Variants in COPS3 observed in about 807,000 individuals in gnomAD.
The protein encoded by COPS3 is COP9 signalosome complex subunit 3.
Under a neutral mutation model 58.2 loss-of-function variants are expected in COPS3, and 10 were observed. The ratio of observed to expected loss-of-function variants is 0.17; its 90% CI spans 0.11 to 0.29. The LOEUF is 0.29. Ranked by LOEUF, COPS3 falls within the 10% of genes least tolerant of loss-of-function variation. COPS3 has a pLI of 1.00. For missense variants in COPS3, 333 were observed against 510.1 expected (o/e 0.65, Z 3.34); for synonymous variants, 187 against 181.7 (o/e 1.03, Z -0.24).
At chr17:17,277,531 C>A (rs1463667623) in intron 1 of COPS3, among the ~76,000 whole-genome samples, 2 of 152,164 alleles carry the variant, frequency 1.3e-5, no homozygotes, top group Non-Finnish European at 1.5e-5. Context: ...AATCCTCCCA[C>A]CTTAGCCTCC....
At chr17:17,264,221 G>A (rs966250698) in intron 6 of COPS3, among the ~76,000 whole-genome samples, 19 of 152,154 alleles carry the variant, frequency 1.2e-4, no homozygotes, top group Non-Finnish European at 1.6e-4. Flanking sequence ...AGGAACTTAC[G>A]AACATCTAAC....
At chr17:17,255,485 C>CAAAAAAAAAAAAAAA (rs10529108) in intron 8 of COPS3, among the ~76,000 whole-genome samples, 1 of 129,034 alleles carries the variant, frequency 7.7e-6, no homozygotes, top group African/African-American at 3.1e-5. Flanking sequence ...GACTCTATTT[C>CAAAAAAAAAAAAAAA]AAAAAAAAAA....
In COPS3 at chr17:17,267,063, C is replaced by G. The variant is rs190886564; in HGVS notation, c.441+822G>C. On this transcript the variant is annotated intron_variant, in intron 5 of 11. Transcript: ENST00000268717. ...ATTTTAAAAAAAGTTACAGGCCGGG[C>G]ACAGTGGCTCACGCCTGTAATCCCA... Among the ~76,000 whole-genome samples the G allele has an allele frequency of 1.7e-3, 257 of 151,310 alleles. 7 individuals carry two copies. The East Asian group carries it at 0.039, about 23-fold the overall frequency.
intron 2 of COPS3, 82 bp from the exon 3 acceptor site, chr17:17,271,090 C>G (rs1489043041): frequency 2.1e-6 from 2 of 948,386 alleles, no homozygotes; most frequent in Non-Finnish European, 3.4e-6. Flanking sequence ...GAAATCCATC[C>G]TGCCTCCAAT....
chr17:17,251,866 A>G (rs143596396), intron 9 of COPS3, among the ~76,000 whole-genome samples: 5,593 of 152,028 alleles, frequency 0.037, 310 homozygotes, highest in African/African-American at 0.12. Context: ...TCAGGAGATC[A>G]AGACCATCCT....
intron 9 of COPS3, among the ~76,000 whole-genome samples, chr17:17,254,338 G>A (rs1034626365): frequency 4.0e-5 from 6 of 150,354 alleles, no homozygotes; most frequent in East Asian, 1.9e-4. Flanking sequence ...CAAATAGGAC[G>A]CAAGCCTGAT....
chr17:17,247,632 G>T, intron 10 of COPS3, 72 bp from the exon 11 acceptor site: 1 of 1,426,528 alleles, frequency 7.0e-7, no homozygotes, highest in Non-Finnish European at 9.8e-7. Flanking sequence ...AACTTACACT[G>T]TTCACAAGGG....
At chr17:17,258,056 G>T (rs1223797718) in intron 8 of COPS3, among the ~76,000 whole-genome samples, 4 of 152,062 alleles carry the variant, frequency 2.6e-5, no homozygotes, top group South Asian at 2.1e-4. Flanking sequence ...GCCAAAAATG[G>T]AGCAGCCACT....
At position 17,267,975 on chromosome 17, in the gene COPS3, G is replaced by C; in HGVS notation, c.351C>G (p.Pro117=). The C allele has an allele frequency of 8.7e-6, 14 of 1,613,436 alleles. No homozygotes were observed. The highest frequency in any genetic ancestry group is 1.1e-5 in the Non-Finnish European group (13 of 1,179,704). ...GCTTAAGGATGCCAATTCCTCGCAG[G>C]GGCTGTCAGAAATGACATCTCTTTC... ...LTNALVERKQ[P]LRGIGILKQA... The change falls in exon 5 of 12, where the codon CCC becomes CCG. Residue 117 remains proline (P), a splice_region_variant and synonymous_variant. Coordinates refer to ENST00000268717, the MANE Select transcript of COPS3 (RefSeq NM_003653.4).
At chr17:17,263,895 AATG>A (rs781778080) in intron 6 of COPS3, among the ~76,000 whole-genome samples, 29 of 152,340 alleles carry the variant, frequency 1.9e-4, no homozygotes, top group East Asian at 1.7e-3. Flanking sequence ...TGGCTACAGC[AATG>A]ATAATGCATC....
chr17:17,247,332 A>C, intron 11 of COPS3, 148 bp downstream of exon 11: 1 of 929,532 alleles, frequency 1.1e-6, no homozygotes, highest in Non-Finnish European at 1.7e-6. Flanking sequence ...TCATTTGAAA[A>C]TGCTCTCAAC....
chr17:17,261,433 G>C lies in COPS3; in HGVS notation c.762+533C>G, dbSNP rs373532503. Among the ~76,000 whole-genome samples, 15 of 152,172 alleles carry C rather than the reference G, an allele frequency of 9.9e-5. No individual in the cohort carries two copies. The South Asian group carries it at 3.1e-3, about 32-fold the overall frequency. Reference sequence around the variant, plus strand: ...CCCAGCTACTCGGGAGGCTAAGGCAGGAGAATCGCTTGAACCCGGGAGGCA... The same window carrying C: ...CCCAGCTACTCGGGAGGCTAAGGCACGAGAATCGCTTGAACCCGGGAGGCA... On this transcript the variant is annotated intron_variant, in intron 7 of 11. Coordinates refer to ENST00000268717, the MANE Select transcript of COPS3 (RefSeq NM_003653.4).
intron 9 of COPS3, among the ~76,000 whole-genome samples, chr17:17,252,222 T>C (rs1000825008): frequency 6.6e-6 from 1 of 152,208 alleles, no homozygotes; most frequent in Non-Finnish European, 1.5e-5. Context: ...CACTTAAGTG[T>C]ACTTTTCCAA....
chr17:17,254,323 A>T (rs2047914549), intron 9 of COPS3, among the ~76,000 whole-genome samples: 1 of 150,840 alleles, frequency 6.6e-6, no homozygotes, highest in Non-Finnish European at 1.5e-5. Flanking sequence ...AAAAAAAAGG[A>T]AGCACAAATA....
rs574518239 is a variant in COPS3, at chr17:17,274,312, T to C, written c.185+1723A>G. Among the ~76,000 whole-genome samples the C allele has an allele frequency of 5.9e-5, 9 of 152,316 alleles. No individual in the cohort carries two copies. The South Asian group carries it at 1.0e-3, about 18-fold the overall frequency. On this transcript the variant is annotated intron_variant, in intron 2 of 11. Coordinates refer to ENST00000268717, the MANE Select transcript of COPS3 (RefSeq NM_003653.4). ...CAGATGAAATTGTTTCTGACATGTC[T>C]TGATAATTACAAAGTGTAAATACAG...
At chr17:17,280,553 G>T in intron 1 of COPS3, 1 of 1,049,682 alleles carries the variant, frequency 9.5e-7, no homozygotes, top group Non-Finnish European at 1.2e-6. Flanking sequence ...AAAAAACAAA[G>T]AAGAAGAAAT....
chr17:17,271,929 T>TA (rs2048362506), intron 2 of COPS3, among the ~76,000 whole-genome samples: 1 of 145,918 alleles, frequency 6.9e-6, no homozygotes, highest in Non-Finnish European at 1.5e-5. Flanking sequence ...ACATATATGT[T>TA]TTATATATAT....
chr17:17,264,670 AAGT>A, intron 6 of COPS3, 129 bp downstream of exon 6: 1 of 668,106 alleles, frequency 1.5e-6, no homozygotes, highest in Non-Finnish European at 2.5e-6. Flanking sequence ...GATCACAGAG[AAGT>A]AGTCTCTGAA....
intron 9 of COPS3, among the ~76,000 whole-genome samples, chr17:17,254,557 A>C (rs1360423128): frequency 1.3e-5 from 2 of 152,200 alleles, no homozygotes; most frequent in Non-Finnish European, 2.9e-5. Context: ...CATGCCTATA[A>C]TCCCAGCACT....
Sources: allele counts gnomAD v4.1 joint callset (sites outside exome capture counted in the v4.1 genomes callset), GRCh38; gene constraint gnomAD v4.1.1; transcripts MANE v1.5; gene names NCBI Gene and HGNC (gene_info 2026-07-23, HGNC 2026-07-21).